Variants in SCAND3 observed in about 807,000 individuals in gnomAD.
SCAND3 encodes SCAN domain-containing protein 3.
the SCAND3 span, among the ~76,000 whole-genome samples, chr6:28,583,771 G>C: frequency 4.6e-5 from 7 of 152,176 alleles, no homozygotes; most frequent in East Asian, 1.3e-3. Context: ...AAGCTCTTGG[G>C]AGGCAGCTTG....
At chr6:28,571,915 T>C in the SCAND3 span, 2 of 1,611,820 alleles carry the variant, frequency 1.2e-6, no homozygotes, top group Non-Finnish European at 1.7e-6. Context: ...AAGCTTTTAA[T>C]GTGATAAGTG....
At chr6:28,613,967 CTTT>C in the SCAND3 span, among the ~76,000 whole-genome samples, 3 of 143,300 alleles carry the variant, frequency 2.1e-5, no homozygotes, top group Admixed American at 7.0e-5. Flanking sequence ...CTTTTCTTTT[CTTT>C]TTTTTTTTTT....
chr6:28,575,894 G>A, the SCAND3 span: 10 of 1,613,778 alleles, frequency 6.2e-6, no homozygotes, highest in East Asian at 4.5e-5. The surrounding 1 kb of genome is among the most constrained non-coding windows in gnomAD (Gnocchi z 4.2). Context: ...GCCAAGCGAC[G>A]GTAGTCAACT....
the SCAND3 span, among the ~76,000 whole-genome samples, chr6:28,594,930 C>A: frequency 6.6e-6 from 1 of 151,824 alleles, no homozygotes. Flanking sequence ...CAAAGTAGTA[C>A]AAAGTTTCAG....
At chr6:28,596,704 T>C in the SCAND3 span, among the ~76,000 whole-genome samples, 1 of 152,212 alleles carries the variant, frequency 6.6e-6, no homozygotes, top group African/African-American at 2.4e-5. Context: ...GTCTTGCTTA[T>C]GGAGGCATCT....
At chr6:28,587,047 C>T in the SCAND3 span, 2 of 296,680 alleles carry the variant, frequency 6.7e-6, no homozygotes, top group African/African-American at 4.3e-5. Flanking sequence ...GATACTTTGG[C>T]CCTAAATAAA....
At chr6:28,607,376 T>C in the SCAND3 span, among the ~76,000 whole-genome samples, 4 of 152,270 alleles carry the variant, frequency 2.6e-5, no homozygotes, top group East Asian at 3.9e-4. Context: ...ATCGATAGCA[T>C]TGCCACACCA....
chr6:28,593,828 C>T, the SCAND3 span, among the ~76,000 whole-genome samples: 2 of 152,194 alleles, frequency 1.3e-5, no homozygotes, highest in East Asian at 3.8e-4. Context: ...CCTCGGCTTC[C>T]CAATTAGCTG....
the SCAND3 span, among the ~76,000 whole-genome samples, chr6:28,583,121 G>A: frequency 1.3e-5 from 2 of 151,880 alleles, no homozygotes; most frequent in Admixed American, 6.6e-5. Context: ...GGTCGGGCAC[G>A]GTGGCTCACG....
chr6:28,576,247 A>G, the SCAND3 span: 3 of 765,024 alleles, frequency 3.9e-6, no homozygotes, highest in South Asian at 6.5e-5. Flanking sequence ...ATATGGACAC[A>G]CAAAAGGGGA....
the SCAND3 span, among the ~76,000 whole-genome samples, chr6:28,593,913 C>A: frequency 6.6e-6 from 1 of 151,930 alleles, no homozygotes; most frequent in African/African-American, 2.4e-5. Context: ...CTTATGTTAG[C>A]CAGGCTGCTC....
the SCAND3 span, chr6:28,586,358 T>C: frequency 6.2e-7 from 1 of 1,614,038 alleles, no homozygotes. The surrounding 1 kb of genome is among the most constrained non-coding windows in gnomAD (Gnocchi z 4.4). Flanking sequence ...CCACCTCTTC[T>C]CCACTCTCAG....
the SCAND3 span, among the ~76,000 whole-genome samples, chr6:28,584,037 T>C: frequency 6.6e-6 from 1 of 152,228 alleles, no homozygotes; most frequent in Non-Finnish European, 1.5e-5. Context: ...TCACACCCCG[T>C]GCAAACAGGC....
the SCAND3 span, among the ~76,000 whole-genome samples, chr6:28,582,169 C>G: frequency 6.6e-6 from 1 of 152,254 alleles, no homozygotes; most frequent in Non-Finnish European, 1.5e-5. The surrounding 1 kb of genome is among the most constrained non-coding windows in gnomAD (Gnocchi z 4.8). Flanking sequence ...CACCCTGCAG[C>G]CTGCAGGCCA....
At chr6:28,586,457 G>A in the SCAND3 span, 3 of 1,614,210 alleles carry the variant, frequency 1.9e-6, no homozygotes, top group Non-Finnish European at 2.5e-6. This position sits in a 1 kb window ranked among gnomAD's most constrained non-coding sequence, Gnocchi z 4.4. Flanking sequence ...TCTGCTCCTT[G>A]GTATGTATCT....
chr6:28,615,969 T>A, the SCAND3 span: 3 of 152,252 alleles, frequency 2.0e-5, no homozygotes, highest in African/African-American at 7.2e-5. Context: ...AGGGGCTAGA[T>A]GTGGCAAATG....
At chr6:28,575,585 T>G in the SCAND3 span, 1 of 1,614,130 alleles carries the variant, frequency 6.2e-7, no homozygotes, top group South Asian at 1.1e-5. The surrounding 1 kb of genome is among the most constrained non-coding windows in gnomAD (Gnocchi z 4.2). Flanking sequence ...ACTTGGCATC[T>G]TGAACTAACT....
chr6:28,610,184 C>A, the SCAND3 span, among the ~76,000 whole-genome samples: 14 of 152,104 alleles, frequency 9.2e-5, no homozygotes, highest in East Asian at 2.7e-3. Flanking sequence ...TTTAAAATAA[C>A]CTTAATTTTT....
At chr6:28,575,026 G>A in the SCAND3 span, 1 of 1,614,030 alleles carries the variant, frequency 6.2e-7, no homozygotes, top group Non-Finnish European at 8.5e-7. The surrounding 1 kb of genome is among the most constrained non-coding windows in gnomAD (Gnocchi z 4.2). Context: ...GGCTCTTAAA[G>A]TATTTTCTAA....
Sources: gnomAD v4.1 joint callset for allele counts (sites outside exome capture counted in the v4.1 genomes callset) on GRCh38, gnomAD v4.1.1 for gene constraint, Gnocchi (gnomAD v3.1) non-coding constraint, MANE v1.5 for transcripts, NCBI Gene and HGNC (gene_info 2026-07-23, HGNC 2026-07-21) for gene names.